The following ERBB4 variants were observed in gnomAD, a reference collection of about 807,000 sequenced individuals.
ERBB4 encodes the protein receptor tyrosine-protein kinase erbB-4.
Under a neutral mutation model 158.0 loss-of-function variants are expected in ERBB4, and 42 were observed. The ratio of observed to expected loss-of-function variants is 0.27; its 90% CI spans 0.21 to 0.34. The LOEUF (loss-of-function observed/expected upper bound fraction) is 0.34, where lower values mean the gene tolerates loss of function less well. ERBB4 is among the 10% of genes least tolerant of loss of function. The pLI, the probability that ERBB4 is intolerant of heterozygous loss-of-function variation, is 1.00. For synonymous variants in ERBB4, 583 were observed against 558.7 expected, an observed-to-expected ratio of 1.04 and a Z score of -0.61; for missense variants, 1,333 against 1,624.1, an observed-to-expected ratio of 0.82 and a Z score of 3.08.
chr2:211,687,133 T>TA (rs34140591), intron 12 of ERBB4, among the ~76,000 whole-genome samples: 81,013 of 119,416 alleles, frequency 0.68, 23,293 homozygotes, highest in Middle Eastern at 0.71. Context: ...CATCTCTACT[T>TA]AAAAAAAAAA....
chr2:211,733,098 T>C (rs1254913637), intron 5 of ERBB4, among the ~76,000 whole-genome samples: 1 of 152,234 alleles, frequency 6.6e-6, no homozygotes. Context: ...GTTAGTTGTG[T>C]CAAAGAGGTA....
rs145872244 is a variant in ERBB4, at chr2:211,847,574, C to T, written c.422-59415G>A. Among the ~76,000 whole-genome samples the T allele has an allele frequency of 5.0e-3, 763 of 152,194 alleles. 4 individuals carry two copies. The highest frequency in any genetic ancestry group is 9.1e-3 in the Non-Finnish European group (617 of 68,006). On this transcript the variant is annotated intron_variant, in intron 3 of 27. Coordinates refer to ENST00000342788, the MANE Select transcript of ERBB4 (RefSeq NM_005235.3). ...CTGCAGTCCACAGGCCACATGTGGC[C>T]CAGAACAGCTTTGAATGTGGCCCAA...
At chr2:211,944,530 G>A (rs867166215) in intron 3 of ERBB4, among the ~76,000 whole-genome samples, 3 of 151,694 alleles carry the variant, frequency 2.0e-5, no homozygotes, top group African/African-American at 7.3e-5. Context: ...ATTTTCACCC[G>A]AACATGCAGT....
intron 3 of ERBB4, among the ~76,000 whole-genome samples, chr2:211,929,567 T>G (rs987850485): frequency 5.0e-4 from 76 of 152,146 alleles, no homozygotes; most frequent in African/African-American, 1.7e-3. Flanking sequence ...AGTGCCATGT[T>G]GATAGATATA....
intron 25 of ERBB4, among the ~76,000 whole-genome samples, chr2:211,413,775 T>C (rs568231294): frequency 1.3e-5 from 2 of 152,092 alleles, no homozygotes; most frequent in South Asian, 4.2e-4. Context: ...TTGACGACCA[T>C]GAAGAATTAG....
chr2:212,053,704 C>A (rs1176643071), intron 2 of ERBB4, among the ~76,000 whole-genome samples: 10 of 152,180 alleles, frequency 6.6e-5, no homozygotes, highest in Non-Finnish European at 1.0e-4. Flanking sequence ...GTCTTGCATT[C>A]TTTGTCTCTG....
chr2:212,395,645 G>T lies in ERBB4; in HGVS notation c.82+142804C>A, dbSNP rs114382442. Among the ~76,000 whole-genome samples the T allele has an allele frequency of 8.9e-3, 1,186 of 133,780 alleles. 17 individuals are homozygous for T. Among genetic ancestry groups the T allele is most frequent in the African/African-American group, 0.032 (1,119 of 34,562 alleles). The allele number at this position is 133,780 out of a possible 152,430, so 87.8% of individuals were successfully genotyped here. A position where few individuals can be genotyped will look rare whatever the true frequency, so the allele number is the denominator to read the frequency against. On this transcript the variant is annotated intron_variant, in intron 1 of 27. Transcript: ENST00000342788. ...TTTTTTTTTTTTTTTTTTTGAGATG[G>T]AGTCTCGCTCTGTCACCAATCTGGA...
At chr2:212,437,958 C>T (rs2092173783) in intron 1 of ERBB4, among the ~76,000 whole-genome samples, 1 of 152,074 alleles carries the variant, frequency 6.6e-6, no homozygotes, top group Non-Finnish European at 1.5e-5. Flanking sequence ...CCTACTCATT[C>T]TCTAGTTCTG....
At chr2:212,229,378 G>A (rs1163512775) in intron 1 of ERBB4, among the ~76,000 whole-genome samples, 1 of 152,166 alleles carries the variant, frequency 6.6e-6, no homozygotes, top group Non-Finnish European at 1.5e-5. Flanking sequence ...ATTTGTTGCT[G>A]ATGGGCAATG....
At chr2:212,119,627 A>G (rs1334997825) in intron 2 of ERBB4, among the ~76,000 whole-genome samples, 1 of 152,144 alleles carries the variant, frequency 6.6e-6, no homozygotes, top group East Asian at 1.9e-4. Flanking sequence ...TAAAATACAT[A>G]ATAAATAAGT....
At chr2:212,447,327 A>G (rs1400524656) in intron 1 of ERBB4, among the ~76,000 whole-genome samples, 2 of 152,180 alleles carry the variant, frequency 1.3e-5, no homozygotes. Context: ...GTGAAAAAAT[A>G]CATTCCACTT....
intron 1 of ERBB4, among the ~76,000 whole-genome samples, chr2:212,360,031 C>T (rs984369014): frequency 1.3e-5 from 2 of 151,648 alleles, no homozygotes; most frequent in African/African-American, 4.8e-5. Flanking sequence ...CTTATTTTAT[C>T]ACAACACTAG....
chr2:212,268,314 TA>T (rs1181866182), intron 1 of ERBB4, among the ~76,000 whole-genome samples: 2 of 151,730 alleles, frequency 1.3e-5, no homozygotes, highest in African/African-American at 2.4e-5. Flanking sequence ...AAAAGTGAGA[TA>T]AAAAATGGAA....
chr2:211,881,865 C>T (rs956642114), intron 3 of ERBB4, among the ~76,000 whole-genome samples: 2 of 152,092 alleles, frequency 1.3e-5, no homozygotes, highest in Non-Finnish European at 2.9e-5. Flanking sequence ...AGACAACGAA[C>T]CTTGGATATT....
At chr2:212,461,393 A>C (rs1418735399) in intron 1 of ERBB4, among the ~76,000 whole-genome samples, 1 of 152,136 alleles carries the variant, frequency 6.6e-6, no homozygotes, top group Non-Finnish European at 1.5e-5. Context: ...AGGGGTCATA[A>C]AAGATCATTT....
intron 20 of ERBB4, among the ~76,000 whole-genome samples, chr2:211,439,627 A>G (rs143001535): frequency 1.3e-5 from 2 of 152,328 alleles, no homozygotes; most frequent in East Asian, 1.9e-4. Flanking sequence ...TGCACTAGGT[A>G]TCACCTTTGG....
chr2:211,773,088 C>G (rs2075757842), intron 4 of ERBB4, among the ~76,000 whole-genome samples: 1 of 150,358 alleles, frequency 6.7e-6, no homozygotes, highest in South Asian at 2.1e-4. Context: ...TTGTCAATAA[C>G]TGGTTTTATT....
chr2:211,791,892 C>G (rs1314756101), intron 3 of ERBB4, among the ~76,000 whole-genome samples: 2 of 151,130 alleles, frequency 1.3e-5, no homozygotes, highest in African/African-American at 4.9e-5. Context: ...TGTCACGAAT[C>G]TTTTTTTATT....
intron 3 of ERBB4, among the ~76,000 whole-genome samples, chr2:211,861,533 A>G (rs1223840447): frequency 6.6e-6 from 1 of 151,676 alleles, no homozygotes; most frequent in Non-Finnish European, 1.5e-5. Context: ...CCCAAACACA[A>G]TTTGAATATT....
Sources: allele counts gnomAD v4.1 joint callset (sites outside exome capture counted in the v4.1 genomes callset), GRCh38; gene constraint gnomAD v4.1.1; transcripts MANE v1.5; gene names NCBI Gene and HGNC (gene_info 2026-07-23, HGNC 2026-07-21).